Variants in TOM1 observed in about 807,000 individuals in gnomAD.
TOM1 encodes target of myb1 membrane trafficking protein, also known as target of Myb protein 1.
Under a neutral mutation model 61.3 loss-of-function variants are expected in TOM1, and 38 were observed. That is an observed-to-expected ratio of 0.62 (90% CI 0.48 to 0.81). The LOEUF is 0.81. Ranked by LOEUF, TOM1 falls within the 40% of genes least tolerant of loss-of-function variation. The pLI is 0.00. For missense variants in TOM1, 591 were observed against 659.6 expected, an observed-to-expected ratio of 0.90 and a Z score of 1.14; for synonymous variants, 270 against 268.8, an observed-to-expected ratio of 1.00 and a Z score of -0.04.
rs77207685 is a variant in TOM1 at position 35,321,878 on chromosome 22, A to G, written c.138-81A>G. On this transcript the variant is annotated intron_variant, in intron 2 of 14. Coordinates refer to ENST00000449058, the MANE Select transcript of TOM1 (RefSeq NM_005488.3). ...GCACAGGGAGGATGGGCCAATAAGAACTGTTCCAACTCTCCAGGGTCTCTG... is the reference window on the plus strand; with the variant it reads ...GCACAGGGAGGATGGGCCAATAAGAGCTGTTCCAACTCTCCAGGGTCTCTG... The G allele has an allele frequency of 4.5e-4, 539 of 1,205,298 alleles. 3 individuals carry two copies. In the African/African-American group the frequency reaches 7.4e-3, roughly 17 times the overall value. The allele number at this position is 1,205,298 out of a possible 1,614,324, so 74.7% of individuals were successfully genotyped here. A position where few individuals can be genotyped will look rare whatever the true frequency, so the allele number is the denominator to read the frequency against.
chr22:35,301,048 CA>C (rs139553640), intron 1 of TOM1, among the ~76,000 whole-genome samples: 2,718 of 111,174 alleles, frequency 0.024, 68 homozygotes, highest in African/African-American at 0.11. Context: ...CCCGTCTCTA[CA>C]AAAAAAAAAA....
chr22:35,300,955 TA>T (rs1925711860), intron 1 of TOM1, among the ~76,000 whole-genome samples: 1 of 150,218 alleles, frequency 6.7e-6, no homozygotes, highest in African/African-American at 2.5e-5. Flanking sequence ...CTCCCGCCTG[TA>T]ATCCCAGCAC....
intron 6 of TOM1, among the ~76,000 whole-genome samples, chr22:35,325,826 C>T (rs1352720781): frequency 6.6e-6 from 1 of 152,164 alleles, no homozygotes; most frequent in Non-Finnish European, 1.5e-5. Context: ...TCGAGAGTCC[C>T]CTTTTGTCTC....
chr22:35,337,608 G>A (rs991242707), intron 11 of TOM1, among the ~76,000 whole-genome samples: 1 of 152,252 alleles, frequency 6.6e-6, no homozygotes, highest in South Asian at 2.1e-4. Flanking sequence ...TCATATTCAA[G>A]AAGCCCCTTT....
chr22:35,313,661 C>T (rs1927033521), intron 1 of TOM1, among the ~76,000 whole-genome samples: 2 of 152,236 alleles, frequency 1.3e-5, no homozygotes, highest in Admixed American at 1.3e-4. Context: ...ACCCTCATCT[C>T]CATGAGGGGC....
In TOM1 at chr22:35,327,344, T is replaced by C; in HGVS notation, c.722T>C (p.Leu241Pro). 1 of 1,613,968 alleles carries C rather than the reference T, an allele frequency of 6.2e-7. No homozygotes were observed. The highest frequency in any genetic ancestry group is 8.5e-7 in the Non-Finnish European group (1 of 1,180,010). The change falls in exon 7 of 15, where the codon CTG becomes CCG. Residue 241 changes from leucine to proline, a missense_variant. Coordinates refer to ENST00000449058, the MANE Select transcript of TOM1 (RefSeq NM_005488.3). The part of the protein sequence containing the change: ...VRVMSEMLTE[L>P]VPTQAEPADL... Reference sequence around the variant, plus strand: ...GTGATGTCGGAGATGCTGACGGAGCTGGTGCCCACCCAGGCCGAGCCCGCA... The same window carrying C: ...GTGATGTCGGAGATGCTGACGGAGCCGGTGCCCACCCAGGCCGAGCCCGCA...
In TOM1 at chr22:35,326,822, G is replaced by T. The variant is rs73885915; in HGVS notation, c.649-449G>T. Reference sequence around the variant, plus strand: ...AGTCCTCTAGGAGGAGAGAGAGGGGGGGATCCCAGTCTTCTAGGAGAGAGG... The same window carrying T: ...AGTCCTCTAGGAGGAGAGAGAGGGGTGGATCCCAGTCTTCTAGGAGAGAGG... On this transcript the variant is annotated intron_variant, in intron 6 of 14. Transcript: ENST00000449058. Among the ~76,000 whole-genome samples, 942 of 151,494 alleles carry T rather than the reference G, an allele frequency of 6.2e-3. 10 individuals carry two copies. Among genetic ancestry groups the T allele is most frequent in the African/African-American group, 0.021 (866 of 41,226 alleles).
chr22:35,327,692 C>T (rs895033077), intron 7 of TOM1, among the ~76,000 whole-genome samples: 4 of 152,222 alleles, frequency 2.6e-5, no homozygotes, highest in African/African-American at 7.2e-5. Flanking sequence ...ATGAAAAACA[C>T]GCAGGCTTGT....
At chr22:35,343,685 A>G (rs1930206773) in intron 12 of TOM1, among the ~76,000 whole-genome samples, 1 of 119,256 alleles carries the variant, frequency 8.4e-6, no homozygotes. Context: ...CACACACCAC[A>G]CCTACACACT....
intron 1 of TOM1, among the ~76,000 whole-genome samples, chr22:35,302,239 G>A (rs886317101): frequency 2.0e-5 from 3 of 151,888 alleles, no homozygotes; most frequent in South Asian, 2.1e-4. Flanking sequence ...AAATAATGTC[G>A]GGGCCCCAAC....
chr22:35,323,505 G>T lies in TOM1; in HGVS notation c.376G>T (p.Asp126Tyr). ...CCTTGTCCCCTCTCAGTCCTGGGCT[G>T]ACGCGTTCCGCAGCTCGCCCGATCT... The part of the protein sequence containing the change: ...KVLNLIQSWA[D>Y]AFRSSPDLTG... Residue 126 changes from aspartate to tyrosine, a missense_variant, in exon 5 of 15, where the codon GAC becomes TAC. Transcript: ENST00000449058. The surrounding 1 kb of genome is among the most constrained non-coding windows in gnomAD (Gnocchi z 4.2). 6 of 1,614,146 alleles carry T rather than the reference G, an allele frequency of 3.7e-6. No homozygotes were observed. Among genetic ancestry groups the T allele is most frequent in the Non-Finnish European group, 5.1e-6 (6 of 1,180,038 alleles).
At chr22:35,346,162 T>C (rs1930489867) in intron 13 of TOM1, among the ~76,000 whole-genome samples, 1 of 152,186 alleles carries the variant, frequency 6.6e-6, no homozygotes, top group African/African-American at 2.4e-5. Context: ...CCACCCTGTT[T>C]ACAGATCAGA....
chr22:35,323,939 G>T lies in TOM1; in HGVS notation c.648+25G>T, dbSNP rs758717719. 2 of 1,529,300 alleles carry T rather than the reference G, an allele frequency of 1.3e-6. No homozygotes were observed. Among genetic ancestry groups the T allele is most frequent in the Admixed American group, 2.1e-5 (1 of 48,356 alleles). The allele number at this position is 1,529,300 out of a possible 1,614,324, so 94.7% of individuals were successfully genotyped here. ...GGTAAACGAGCCTGGGGTCAGAACC[G>T]TCAGGTCCAGGCAGGTGGGCCACAC... is the stretch of plus-strand genomic sequence containing the variant. On this transcript the variant is annotated intron_variant, in intron 6 of 14. Coordinates refer to ENST00000449058, the MANE Select transcript of TOM1 (RefSeq NM_005488.3). This position sits in a 1 kb window ranked among gnomAD's most constrained non-coding sequence, Gnocchi z 4.2.
chr22:35,308,371 C>T (rs1222622292), intron 1 of TOM1, among the ~76,000 whole-genome samples: 1 of 151,424 alleles, frequency 6.6e-6, no homozygotes, highest in Non-Finnish European at 1.5e-5. Context: ...GTAACCTCCA[C>T]CTCCCAGGTT....
In TOM1 at chr22:35,338,714, G is replaced by T. The variant is rs969990445; in HGVS notation, c.1150G>T (p.Val384Leu). Residue 384 changes from valine (V) to leucine (L), a missense_variant and splice_region_variant, in exon 12 of 15, where the codon GTA (valine) becomes TTA (leucine). Transcript: ENST00000449058. Reference sequence around the variant, plus strand: ...ATGGCTTGGTGGTCTCTCTTTCAGGGTAAAATACGAAGCCCCCCAAGCAAC... The same window carrying T: ...ATGGCTTGGTGGTCTCTCTTTCAGGTTAAAATACGAAGCCCCCCAAGCAAC... ...GSSLADQRKE[V>L]KYEAPQATDG... 1 of 1,578,694 alleles carries T rather than the reference G, an allele frequency of 6.3e-7. No homozygotes were observed. Among genetic ancestry groups the T allele is most frequent in the African/African-American group, 1.3e-5 (1 of 74,144 alleles).
In TOM1 at chr22:35,327,283, C is replaced by T. The variant is rs538143209; in HGVS notation, c.661C>T (p.Arg221Cys). 39 of 1,613,876 alleles carry T rather than the reference C, an allele frequency of 2.4e-5. No homozygotes were observed. Among genetic ancestry groups the T allele is most frequent in the Middle Eastern group, 1.6e-4 (1 of 6,062 alleles). The stretch of plus-strand genomic sequence containing the variant: ...CTGTGTGTTTCAGATTGGGAAGCTG[C>T]GCAGTGAGCTGGAGATGGTGAGTGG... ...APTPEQIGKL[R>C]SELEMVSGNV... The change falls in exon 7 of 15, where the codon CGC becomes TGC. Residue 221 changes from arginine to cysteine, a missense_variant. Coordinates refer to ENST00000449058, the MANE Select transcript of TOM1 (RefSeq NM_005488.3).
Position 35,304,753 on chromosome 22 carries a change from C to T in TOM1, c.52+4773C>T, listed in dbSNP as rs186344694. On this transcript the variant is annotated intron_variant, in intron 1 of 14. Transcript: ENST00000449058. ...TCGGCCTCCCAAAGTGCTGGGATTACAGGCGTGAGCCACTGCACCCGGCCT... is the reference window on the plus strand; with the variant it reads ...TCGGCCTCCCAAAGTGCTGGGATTATAGGCGTGAGCCACTGCACCCGGCCT... 4.3e-3 allele frequency among the ~76,000 whole-genome samples: 651 copies of T among 152,376 alleles called. 6 individuals carry two copies. The highest frequency in any genetic ancestry group is 0.014 in the African/African-American group (602 of 41,594).
chr22:35,312,214 A>G, intron 1 of TOM1, among the ~76,000 whole-genome samples: 1 of 150,636 alleles, frequency 6.6e-6, no homozygotes, highest in Non-Finnish European at 1.5e-5. Context: ...ACTGTACTCC[A>G]GCCTGGGCGA....
intron 1 of TOM1, among the ~76,000 whole-genome samples, chr22:35,314,541 T>TA (rs376289758): frequency 1.3e-5 from 2 of 152,142 alleles, no homozygotes; most frequent in African/African-American, 4.8e-5. Context: ...AAAAGCCACT[T>TA]ACTTGCCTTT....
Sources: allele counts gnomAD v4.1 joint callset (sites outside exome capture counted in the v4.1 genomes callset), GRCh38; gene constraint gnomAD v4.1.1; non-coding constraint Gnocchi (gnomAD v3.1); transcripts MANE v1.5; gene names NCBI Gene and HGNC (gene_info 2026-07-23, HGNC 2026-07-21).